The following FBP1 variants were observed in gnomAD, a reference collection of about 807,000 sequenced individuals.
FBP1 encodes the protein fructose-bisphosphatase 1, also known as fructose-1,6-bisphosphatase 1.
Under a neutral mutation model 29.9 loss-of-function variants are expected in FBP1, and 22 were observed. The ratio of observed to expected loss-of-function variants is 0.74; its 90% CI spans 0.53 to 1.05. The LOEUF (loss-of-function observed/expected upper bound fraction) is 1.05, where lower values mean the gene tolerates loss of function less well. Ranked by LOEUF, FBP1 falls within the 50% of genes least tolerant of loss-of-function variation. FBP1 has a pLI of 0.00. For missense variants in FBP1, 345 were observed against 448.2 expected, an observed-to-expected ratio of 0.77 and a Z score of 2.08; for synonymous variants, 175 against 178.6, an observed-to-expected ratio of 0.98 and a Z score of 0.16.
At chr9:94,638,180 A>C (rs1828223853) in intron 1 of FBP1, among the ~76,000 whole-genome samples, 1 of 152,092 alleles carries the variant, frequency 6.6e-6, no homozygotes, top group Non-Finnish European at 1.5e-5. Flanking sequence ...ACCTCACAAG[A>C]AGGGGTCCTT....
chr9:94,630,288 G>C (rs931027747), intron 1 of FBP1, among the ~76,000 whole-genome samples: 5 of 152,144 alleles, frequency 3.3e-5, no homozygotes, highest in African/African-American at 9.7e-5. Flanking sequence ...AGTGGTATTG[G>C]TAATGCCTGC....
At position 94,605,551 on chromosome 9, in the gene FBP1, C is replaced by T. The variant is rs775808681; in HGVS notation, c.731G>A (p.Arg244Gln). ...ATCAGCCACCATGGAGCCCACATAC[C>T]GGGCCCCATAAGGAGCTGAATTATC... ...PPDNSAPYGA[R>Q]YVGSMVADVH... The change falls in exon 6 of 7, where the codon CGG becomes CAG. Residue 244 changes from arginine to glutamine, a missense_variant. Arg to Gln is a conservative substitution (Grantham distance 43). Transcript: ENST00000375326. The T allele has an allele frequency of 1.1e-5, 17 of 1,613,540 alleles. No individual in the cohort carries two copies. Among genetic ancestry groups the T allele is most frequent in the Non-Finnish European group, 1.4e-5 (16 of 1,179,568 alleles).
intron 1 of FBP1, among the ~76,000 whole-genome samples, chr9:94,622,425 C>A (rs1827962934): frequency 6.6e-6 from 1 of 152,254 alleles, no homozygotes; most frequent in Non-Finnish European, 1.5e-5. Flanking sequence ...AACTGACGGT[C>A]CCTGATCCAG....
chr9:94,639,453 GCGGGAGGACTGACAGACCGACTGCCGCCC>G lies in FBP1; in HGVS notation c.-172_-144del. The G allele has an allele frequency of 2.1e-6, 2 of 943,040 alleles. No homozygotes were observed. Among genetic ancestry groups the G allele is most frequent in the South Asian group, 2.9e-5 (2 of 69,648 alleles). The allele number at this position is 943,040 out of a possible 1,614,324, so 58.4% of individuals were successfully genotyped here. The stretch of plus-strand genomic sequence containing the variant: ...CGGCAGGTGCGGGCCGCGGGACCTG[GCGGGAGGACTGACAGACCGACTGCCGCCC>G]CGAGTGTCCGCAGCGCTCGTGGTGC... On this transcript the variant is annotated 5_prime_UTR_variant, in exon 1 of 7. Transcript: ENST00000375326.
In FBP1 at chr9:94,620,420, A is replaced by G. The variant is rs759871242; in HGVS notation, c.242T>C (p.Leu81Pro). 1 of 1,614,200 alleles carries G rather than the reference A, an allele frequency of 6.2e-7. No homozygotes were observed. The highest frequency in any genetic ancestry group is 2.2e-5 in the East Asian group (1 of 44,892). The change falls in exon 2 of 7, where the codon CTG (leucine) becomes CCG (proline). Residue 81 changes from leucine to proline, a missense_variant. Leu to Pro is a moderately conservative substitution (Grantham distance 98). Coordinates refer to ENST00000375326, the MANE Select transcript of FBP1 (RefSeq NM_000507.4). ...VKKLDVLSND[L>P]VMNMLKSSFA... ...GGATGACTTTAACATGTTCATAACCAGGTCGTTGGAGAGGACGTCCAGCTT... is the reference window on the plus strand; with the variant it reads ...GGATGACTTTAACATGTTCATAACCGGGTCGTTGGAGAGGACGTCCAGCTT...
rs148942437 is a variant in FBP1 at position 94,603,587 on chromosome 9, C to A, written c.826-15G>T. 5.7e-5 allele frequency: 92 copies of A among 1,612,976 alleles called. No individual in the cohort carries two copies. Among genetic ancestry groups the A allele is most frequent in the Non-Finnish European group, 7.6e-5 (90 of 1,179,004 alleles). ...AGCAGTCTCAGCTGGAAAACAAGAC[C>A]GGGTAGCGGCCTCCTTGTATCAGAA... On this transcript the variant is annotated splice_polypyrimidine_tract_variant and intron_variant, in intron 6 of 6. Coordinates refer to ENST00000375326, the MANE Select transcript of FBP1 (RefSeq NM_000507.4).
At chr9:94,633,650 C>T (rs1169790440) in intron 1 of FBP1, among the ~76,000 whole-genome samples, 2 of 152,156 alleles carry the variant, frequency 1.3e-5, no homozygotes, top group Admixed American at 1.3e-4. Context: ...CGTGCCCATT[C>T]TTGGCGCTCC....
intron 1 of FBP1, among the ~76,000 whole-genome samples, chr9:94,630,214 G>A (rs1196523977): frequency 2.6e-5 from 4 of 152,134 alleles, no homozygotes; most frequent in African/African-American, 9.7e-5. Context: ...GTAAATGGAT[G>A]AATAAATTTA....
chr9:94,622,666 C>G (rs1411192462), intron 1 of FBP1, among the ~76,000 whole-genome samples: 2 of 152,176 alleles, frequency 1.3e-5, no homozygotes, highest in Non-Finnish European at 2.9e-5. Context: ...CTCATCCCAC[C>G]AGCCCTCCTC....
chr9:94,623,275 G>A (rs888647528), intron 1 of FBP1, among the ~76,000 whole-genome samples: 3 of 152,132 alleles, frequency 2.0e-5, no homozygotes, highest in South Asian at 2.1e-4. Flanking sequence ...ATGAGCCACC[G>A]TGCCCAGCCC....
At chr9:94,638,747 G>C (rs1828235520) in intron 1 of FBP1, among the ~76,000 whole-genome samples, 1 of 152,218 alleles carries the variant, frequency 6.6e-6, no homozygotes, top group Non-Finnish European at 1.5e-5. Flanking sequence ...AGAAGAAATG[G>C]GGAAGGAAGG....
chr9:94,637,978 C>T (rs1456369250), intron 1 of FBP1, among the ~76,000 whole-genome samples: 5 of 151,018 alleles, frequency 3.3e-5, no homozygotes, highest in Admixed American at 2.0e-4. Context: ...CCCAGCTACT[C>T]GGGAGACTGA....
intron 3 of FBP1, among the ~76,000 whole-genome samples, chr9:94,611,344 G>A (rs924023169): frequency 2.0e-5 from 3 of 152,130 alleles, no homozygotes; most frequent in East Asian, 1.9e-4. Flanking sequence ...TCTGTATCAC[G>A]CAGCTGGAGA....
chr9:94,611,609 A>G (rs1827787682), intron 3 of FBP1, among the ~76,000 whole-genome samples: 2 of 152,124 alleles, frequency 1.3e-5, no homozygotes, highest in Admixed American at 1.3e-4. Flanking sequence ...TTTTTTTTTA[A>G]TTAGCCAGGC....
Position 94,603,307 on chromosome 9 carries a change from C to T in FBP1, c.*74G>A. ...CTCTCTAGGAATGTAAGGTGCACAG[C>T]AGGTCAGGGTACTGCTGTGTGAGAC... On this transcript the variant is annotated 3_prime_UTR_variant, in exon 7 of 7. Coordinates refer to ENST00000375326, the MANE Select transcript of FBP1 (RefSeq NM_000507.4). The T allele has an allele frequency of 3.4e-6, 4 of 1,162,912 alleles. No homozygotes were observed. The highest frequency in any genetic ancestry group is 1.5e-5 in the African/African-American group (1 of 65,810). 72.0% of individuals were successfully genotyped at this position (1,162,912 alleles called of 1,614,324 possible). A position where few individuals can be genotyped will look rare whatever the true frequency, so the allele number is the denominator to read the frequency against.
chr9:94,639,082 CG>C, intron 1 of FBP1, 58 bp downstream of exon 1: 1 of 1,530,220 alleles, frequency 6.5e-7, no homozygotes, highest in Non-Finnish European at 8.8e-7. Flanking sequence ...GTCAGCCCGC[CG>C]GGCAGGCTCC....
Position 94,603,294 on chromosome 9 carries a change from G to A in FBP1, c.*87C>T. On this transcript the variant is annotated 3_prime_UTR_variant, in exon 7 of 7. Transcript: ENST00000375326. ...CTTTTTATTTCTGCTCTCTAGGAAT[G>A]TAAGGTGCACAGCAGGTCAGGGTAC... 9.5e-7 allele frequency: 1 copy of A among 1,048,572 alleles called. No homozygotes were observed. Among genetic ancestry groups the A allele is most frequent in the Non-Finnish European group, 1.5e-6 (1 of 684,774 alleles). 65.0% of individuals were successfully genotyped at this position (1,048,572 alleles called of 1,614,324 possible). A position where few individuals can be genotyped will look rare whatever the true frequency, so the allele number is the denominator to read the frequency against.
At chr9:94,610,753 TAAA>T (rs1403493081) in intron 3 of FBP1, among the ~76,000 whole-genome samples, 2 of 152,190 alleles carry the variant, frequency 1.3e-5, no homozygotes, top group East Asian at 1.9e-4. Flanking sequence ...ATTTTTTCAT[TAAA>T]AACACAGCCC....
chr9:94,608,499 T>C (rs913344428), intron 4 of FBP1, among the ~76,000 whole-genome samples: 5 of 152,136 alleles, frequency 3.3e-5, no homozygotes, highest in Non-Finnish European at 7.3e-5. Flanking sequence ...ACCAGAAGAA[T>C]GGGAAGCAGT....
Sources: gnomAD v4.1 joint callset for allele counts (sites outside exome capture counted in the v4.1 genomes callset) on GRCh38, gnomAD v4.1.1 for gene constraint, MANE v1.5 for transcripts, NCBI Gene and HGNC (gene_info 2026-07-23, HGNC 2026-07-21) for gene names.